ESRRG: variants seen among roughly 807,000 people sequenced by gnomAD.
ESRRG encodes estrogen-related receptor gamma.
ESRRG carries 13 observed loss-of-function variants against 44.0 expected under a neutral mutation model. The observed-to-expected ratio is 0.30, with a 90% CI of 0.19 to 0.47. The LOEUF (loss-of-function observed/expected upper bound fraction) is 0.47. Ranked by LOEUF, ESRRG falls within the 20% of genes least tolerant of loss-of-function variation. The pLI is 1.00. For synonymous variants in ESRRG, 215 were observed against 214.6 expected (o/e 1.00, Z -0.02); for missense variants, 395 against 580.6 (o/e 0.68, Z 3.29).
chr1:216,941,369 A>T lies in ESRRG; in HGVS notation c.-105-1696T>A, dbSNP rs1165248857. ...ACAGTTATATGGCTGCTTTCTGTGT[A>T]ATATTGCTAATGCTCATAGCCAGTG... On this transcript the variant is annotated intron_variant, in intron 1 of 7. Coordinates refer to the ESRRG transcript ENST00000359162. 2.6e-5 allele frequency among the ~76,000 whole-genome samples: 4 copies of T among 152,176 alleles called. No individual in the cohort carries two copies. The East Asian group carries it at 7.7e-4, about 29-fold the overall frequency.
intron 1 of ESRRG, among the ~76,000 whole-genome samples, chr1:217,115,633 T>A (rs1313205660): frequency 6.6e-6 from 1 of 152,168 alleles, no homozygotes; most frequent in Non-Finnish European, 1.5e-5. Context: ...TCTGTAAGGT[T>A]AGCTTCCTCA....
chr1:216,971,797 C>A (rs17044587), intron 1 of ESRRG, among the ~76,000 whole-genome samples: 20,718 of 152,144 alleles, frequency 0.14, 1,905 homozygotes, highest in Admixed American at 0.2. Context: ...AAGAGTGACA[C>A]GTCAAACACT....
intron 2 of ESRRG, among the ~76,000 whole-genome samples, chr1:216,768,368 G>A (rs2093191751): frequency 6.6e-6 from 1 of 151,984 alleles, no homozygotes; most frequent in Admixed American, 6.6e-5. Flanking sequence ...ACATTTCTTG[G>A]AGAAAGGATA....
intron 5 of ESRRG, among the ~76,000 whole-genome samples, chr1:216,522,323 T>A (rs973840850): frequency 1.5e-4 from 22 of 148,478 alleles, no homozygotes; most frequent in Non-Finnish European, 5.9e-5. Context: ...GCACAAAAGG[T>A]TTGACACATT....
At chr1:216,596,030 G>A (rs1055601845) in intron 3 of ESRRG, among the ~76,000 whole-genome samples, 1 of 152,210 alleles carries the variant, frequency 6.6e-6, no homozygotes, top group African/African-American at 2.4e-5. Flanking sequence ...TTACTCTGGA[G>A]AAGAACATGG....
chr1:217,123,100 C>T (rs1269979595), intron 1 of ESRRG, among the ~76,000 whole-genome samples: 1 of 152,100 alleles, frequency 6.6e-6, no homozygotes, highest in Non-Finnish European at 1.5e-5. Context: ...GAAATGTTAT[C>T]CGCCTAGCAG....
At chr1:216,709,254 T>C (rs2083088304) in intron 1 of ESRRG, among the ~76,000 whole-genome samples, 1 of 151,860 alleles carries the variant, frequency 6.6e-6, no homozygotes, top group African/African-American at 2.4e-5. Context: ...TACATATACA[T>C]GCAAAAAGCT....
Position 217,035,875 on chromosome 1 carries a change from CTT to C in ESRRG, c.-106+53630_-106+53631del, listed in dbSNP as rs368576405. Among the ~76,000 whole-genome samples, 18 of 152,236 alleles carry C rather than the reference CTT, an allele frequency of 1.2e-4. No homozygotes were observed. In the South Asian group the frequency reaches 3.5e-3, roughly 30 times the overall value. On this transcript the variant is annotated intron_variant, in intron 1 of 7. Transcript: ENST00000359162. ...AACTATCAACAGAGTAAACAGACAA[CTT>C]ACAGAATGAGAGAAAATTTTTGCAG...
chr1:216,568,049 C>A lies in ESRRG; in HGVS notation c.639G>T (p.Arg213Ser). 1.2e-6 allele frequency: 2 copies of A among 1,613,892 alleles called. No individual in the cohort carries two copies. The highest frequency in any genetic ancestry group is 1.7e-6 in the Non-Finnish European group (2 of 1,179,876). The change falls in exon 4 of 7, where the codon AGG becomes AGT. Residue 213 changes from arginine to serine, a missense_variant. Coordinates refer to ENST00000408911, the MANE Select transcript of ESRRG (RefSeq NM_001438.4). The stretch of plus-strand genomic sequence containing the variant: ...GGTATGGGCTGTTCTCCGCATCTAT[C>A]CTGCGCTTGTACTTCTGCCGACCTC... ...VRGGRQKYKR[R>S]IDAENSPYLN...
intron 2 of ESRRG, among the ~76,000 whole-genome samples, chr1:216,792,051 G>A (rs984730643): frequency 5.3e-5 from 8 of 152,004 alleles, no homozygotes; most frequent in Non-Finnish European, 8.8e-5. Context: ...AAGTTTTCCT[G>A]GAATTCTCTA....
chr1:216,754,190 A>G (rs1246516041), intron 2 of ESRRG, among the ~76,000 whole-genome samples: 1 of 152,060 alleles, frequency 6.6e-6, no homozygotes, highest in African/African-American at 2.4e-5. Context: ...ATTCTGAAAT[A>G]TAAGACCCAA....
intron 1 of ESRRG, among the ~76,000 whole-genome samples, chr1:217,100,347 G>A (rs527864816): frequency 1.3e-5 from 2 of 152,318 alleles, no homozygotes; most frequent in South Asian, 4.1e-4. Context: ...TAATAGGTCA[G>A]GGCTGGAAAT....
intron 2 of ESRRG, among the ~76,000 whole-genome samples, chr1:216,855,615 G>T (rs920841246): frequency 6.6e-6 from 1 of 152,120 alleles, no homozygotes; most frequent in Non-Finnish European, 1.5e-5. Context: ...GGTCCAACAA[G>T]TCTGAGTCTG....
chr1:217,000,461 G>A (rs767358862), intron 1 of ESRRG: 4 of 152,110 alleles, frequency 2.6e-5, no homozygotes, highest in African/African-American at 4.8e-5. Context: ...CCTTTTATAA[G>A]GACATAAGAT....
chr1:216,519,112 A>G (rs1558219493), intron 6 of ESRRG, 40 bp downstream of exon 6: 1 of 1,582,856 alleles, frequency 6.3e-7, no homozygotes, highest in Admixed American at 1.8e-5. Context: ...AAACTGACAT[A>G]TTAAAAAAAA....
chr1:216,737,047 G>A (rs937940625), intron 2 of ESRRG, among the ~76,000 whole-genome samples: 6 of 152,074 alleles, frequency 3.9e-5, no homozygotes, highest in African/African-American at 1.4e-4. Context: ...ATCAAATCCT[G>A]CAACAAGAAA....
intron 2 of ESRRG, among the ~76,000 whole-genome samples, chr1:216,929,587 CCAGA>C (rs1285794630): frequency 2.6e-5 from 4 of 152,020 alleles, no homozygotes; most frequent in African/African-American, 7.3e-5. Flanking sequence ...GAAGAACATT[CCAGA>C]CAGAGAGAAT....
At chr1:216,626,165 A>G (rs1033823288) in intron 3 of ESRRG, among the ~76,000 whole-genome samples, 1 of 152,172 alleles carries the variant, frequency 6.6e-6, no homozygotes, top group Non-Finnish European at 1.5e-5. Context: ...CTTATTGACA[A>G]TTCTGCAGTG....
At position 217,034,812 on chromosome 1, in the gene ESRRG, T is replaced by A. The variant is rs140922606; in HGVS notation, c.-106+54695A>T. ...CGTAACACCAGGTACATTCTGTGCC[T>A]AATGATAATTGTAATAACACAGACA... On this transcript the variant is annotated intron_variant, in intron 1 of 7. Transcript: ENST00000359162. Among the ~76,000 whole-genome samples the A allele has an allele frequency of 4.4e-3, 676 of 152,244 alleles. 2 individuals carry two copies. Among genetic ancestry groups the A allele is most frequent in the African/African-American group, 0.015 (642 of 41,534 alleles).
Sources: allele counts gnomAD v4.1 joint callset (sites outside exome capture counted in the v4.1 genomes callset), GRCh38; gene constraint gnomAD v4.1.1; transcripts MANE v1.5; gene names NCBI Gene and HGNC (gene_info 2026-07-23, HGNC 2026-07-21).